The following EML5 variants were observed in gnomAD, a reference collection of about 807,000 sequenced individuals.
EML5 encodes EMAP like 5, also known as echinoderm microtubule-associated protein-like 5.
EML5 carries 120 observed loss-of-function variants against 250.0 expected under a neutral mutation model. The ratio of observed to expected loss-of-function variants is 0.48; its 90% CI spans 0.41 to 0.56. EML5 has a LOEUF of 0.56. EML5 is among the 20% of genes least tolerant of loss of function. The pLI, the probability that EML5 is intolerant of heterozygous loss-of-function variation, is 0.00. For missense variants in EML5, 2,006 were observed against 2,437.6 expected (o/e 0.82, Z 3.73); for synonymous variants, 771 against 806.5 (o/e 0.96, Z 0.75).
intron 33 of EML5, 140 bp from the exon 34 acceptor site, chr14:88,627,959 C>T (rs1356293285): frequency 1.2e-6 from 1 of 860,990 alleles, no homozygotes. Context: ...CAGCTCAAAA[C>T]TAAGGCTAAA....
At chr14:88,707,555 A>G (rs928178110) in intron 10 of EML5, among the ~76,000 whole-genome samples, 11 of 152,278 alleles carry the variant, frequency 7.2e-5, no homozygotes, top group Admixed American at 1.3e-4. Context: ...TAAACACTTT[A>G]TATTAAGTTA....
intron 1 of EML5, among the ~76,000 whole-genome samples, chr14:88,778,248 G>C (rs2094465245): frequency 6.6e-6 from 1 of 151,964 alleles, no homozygotes; most frequent in African/African-American, 2.4e-5. Context: ...GAAACAACAA[G>C]AAAACAAATA....
rs565803827 is a variant in EML5, at chr14:88,731,316, A to G, written c.1050-4638T>C. Among the ~76,000 whole-genome samples, 78 of 80,408 alleles carry G rather than the reference A, an allele frequency of 9.7e-4. 2 individuals carry two copies. The highest frequency in any genetic ancestry group is 7.2e-3 in the African/African-American group (72 of 10,040). The allele number at this position is 80,408 out of a possible 152,430, so 52.8% of individuals were successfully genotyped here. ...TTCCCACCTATGAGTGAGAACATGCAGTGTTTGGTTTTTGTCCTTGCGATA... is the reference window on the plus strand; with the variant it reads ...TTCCCACCTATGAGTGAGAACATGCGGTGTTTGGTTTTTGTCCTTGCGATA... On this transcript the variant is annotated intron_variant, in intron 7 of 43. Coordinates refer to ENST00000554922, the MANE Select transcript of EML5 (RefSeq NM_183387.3).
intron 13 of EML5, among the ~76,000 whole-genome samples, chr14:88,703,992 A>G (rs988976595): frequency 1.3e-4 from 20 of 152,186 alleles, no homozygotes; most frequent in African/African-American, 4.8e-4. Context: ...GTTGTAAGTC[A>G]CCACTAGCAT....
At chr14:88,695,672 A>G (rs940631212) in intron 15 of EML5, among the ~76,000 whole-genome samples, 3 of 152,082 alleles carry the variant, frequency 2.0e-5, no homozygotes, top group Non-Finnish European at 4.4e-5. Context: ...ATCGCACCTG[A>G]TCTCCTTTTC....
At chr14:88,728,273 G>C (rs911364638) in intron 7 of EML5, among the ~76,000 whole-genome samples, 1 of 151,828 alleles carries the variant, frequency 6.6e-6, no homozygotes, top group Non-Finnish European at 1.5e-5. Flanking sequence ...ACTGTATTAG[G>C]TATTATAAGT....
In EML5 at chr14:88,749,528, T is replaced by C. The variant is rs74075870; in HGVS notation, c.358-3245A>G. 2.8e-3 allele frequency among the ~76,000 whole-genome samples: 420 copies of C among 152,276 alleles called. 4 individuals carry two copies. Among genetic ancestry groups the C allele is most frequent in the African/African-American group, 9.5e-3 (394 of 41,570 alleles). On this transcript the variant is annotated intron_variant, in intron 2 of 43. Transcript: ENST00000554922. ...AGTGGTTAAATATGTAAGATTTTTC[T>C]CATTAAAAAAGTTTTAACAACTATT... is the stretch of plus-strand genomic sequence containing the variant.
chr14:88,721,271 G>A (rs995362465), intron 8 of EML5, among the ~76,000 whole-genome samples: 2 of 152,026 alleles, frequency 1.3e-5, no homozygotes, highest in East Asian at 1.9e-4. Context: ...AACTACTTAA[G>A]ACATCATATG....
chr14:88,679,847 T>G (rs1041826506), intron 21 of EML5, among the ~76,000 whole-genome samples: 2 of 152,198 alleles, frequency 1.3e-5, no homozygotes, highest in Non-Finnish European at 2.9e-5. Context: ...ACTTATATTT[T>G]CATCATTACT....
At chr14:88,669,567 G>T (rs2092401574) in intron 21 of EML5, among the ~76,000 whole-genome samples, 1 of 152,136 alleles carries the variant, frequency 6.6e-6, no homozygotes, top group African/African-American at 2.4e-5. Flanking sequence ...CCAGCCAGAG[G>T]TTTGTGGACA....
At chr14:88,681,786 T>C in intron 21 of EML5, 104 bp downstream of exon 21, 1 of 1,259,460 alleles carries the variant, frequency 7.9e-7, no homozygotes, top group South Asian at 1.9e-5. Context: ...TATTTCAACA[T>C]ATTTAAAGCC....
In EML5 at chr14:88,754,806, A is replaced by T. The variant is rs2094139800; in HGVS notation, c.198-135T>A. ...CCACTTTAGACAATTTGGATTTTTT[A>T]AAAATTATTTTTGTTGAGACAGAGT... On this transcript the variant is annotated intron_variant, in intron 1 of 43. Transcript: ENST00000554922. 3.9e-5 allele frequency: 33 copies of T among 838,150 alleles called. No homozygotes were observed. The South Asian group carries it at 5.6e-4, about 14-fold the overall frequency. 51.9% of individuals were successfully genotyped at this position (838,150 alleles called of 1,614,324 possible).
chr14:88,785,021 G>A (rs996238782), intron 1 of EML5, among the ~76,000 whole-genome samples: 1 of 152,150 alleles, frequency 6.6e-6, no homozygotes, highest in Non-Finnish European at 1.5e-5. Flanking sequence ...ATAAAAAAAC[G>A]AGATCCTGTC....
At chr14:88,674,299 C>T (rs1165367692) in intron 21 of EML5, among the ~76,000 whole-genome samples, 1 of 152,048 alleles carries the variant, frequency 6.6e-6, no homozygotes, top group Non-Finnish European at 1.5e-5. Context: ...ACAATAAAAA[C>T]CCTGAGACTT....
At chr14:88,773,549 T>C (rs2140642226) in intron 1 of EML5, among the ~76,000 whole-genome samples, 1 of 152,312 alleles carries the variant, frequency 6.6e-6, no homozygotes, top group South Asian at 2.1e-4. Flanking sequence ...CATGGATTAC[T>C]ATTAAATCCA....
At chr14:88,695,513 T>C in intron 15 of EML5, 59 bp from the exon 16 acceptor site, 4 of 1,452,702 alleles carry the variant, frequency 2.8e-6, no homozygotes, top group Non-Finnish European at 3.8e-6. Flanking sequence ...AGAGAAAACA[T>C]TCAGTATATA....
chr14:88,665,918 A>AT (rs1378093857), intron 21 of EML5, among the ~76,000 whole-genome samples: 10 of 152,118 alleles, frequency 6.6e-5, no homozygotes, highest in Non-Finnish European at 1.5e-4. Flanking sequence ...AAAAAAAAAA[A>AT]AAATATTTGC....
Position 88,792,199 on chromosome 14 carries a change from CG to C in EML5, c.197+107del, listed in dbSNP as rs1380873821. 4.3e-5 allele frequency: 58 copies of C among 1,339,196 alleles called. No homozygotes were observed. The highest frequency in any genetic ancestry group is 5.7e-5 in the Non-Finnish European group (57 of 993,162). The allele number at this position is 1,339,196 out of a possible 1,614,324, so 83.0% of individuals were successfully genotyped here. The stretch of plus-strand genomic sequence containing the variant: ...CAGAGAGACAGCTGCGGATTCCCCT[CG>C]GGGTGATGCTCCGTGCAGGAGCGGT... On this transcript the variant is annotated intron_variant, in intron 1 of 43. Coordinates refer to ENST00000554922, the MANE Select transcript of EML5 (RefSeq NM_183387.3). The surrounding 1 kb of genome is among the most constrained non-coding windows in gnomAD (Gnocchi z 6.9).
At chr14:88,650,279 C>A (rs2091557284) in intron 27 of EML5, among the ~76,000 whole-genome samples, 1 of 151,926 alleles carries the variant, frequency 6.6e-6, no homozygotes. Context: ...ATGGTGAAAC[C>A]CCGTCTCTAC....
Sources: gnomAD v4.1 joint callset for allele counts (sites outside exome capture counted in the v4.1 genomes callset) on GRCh38, gnomAD v4.1.1 for gene constraint, Gnocchi (gnomAD v3.1) non-coding constraint, MANE v1.5 for transcripts, NCBI Gene and HGNC (gene_info 2026-07-23, HGNC 2026-07-21) for gene names.